The following SVOPL variants were observed in gnomAD, a reference collection of about 807,000 sequenced individuals.
SVOPL encodes SVOP like.
Under a neutral mutation model 61.0 loss-of-function variants are expected in SVOPL, and 60 were observed. The observed-to-expected ratio is 0.98, with a 90% CI of 0.80 to 1.22. The LOEUF (loss-of-function observed/expected upper bound fraction) is 1.22. Among genes scored for constraint, SVOPL ranks in the 50% most tolerant of loss-of-function variants. SVOPL has a pLI of 0.00. For missense variants in SVOPL, 662 were observed against 643.9 expected (o/e 1.03, Z -0.30); for synonymous variants, 279 against 250.0 (o/e 1.12, Z -1.09).
chr7:138,611,778 A>G (rs1799017799), intron 14 of SVOPL, among the ~76,000 whole-genome samples: 1 of 20,970 alleles, frequency 4.8e-5, no homozygotes, highest in Non-Finnish European at 1.3e-4. Flanking sequence ...CCATTATGGT[A>G]TGACAATAGT....
At chr7:138,685,193 A>G (rs1329329813) in intron 1 of SVOPL, among the ~76,000 whole-genome samples, 2 of 152,040 alleles carry the variant, frequency 1.3e-5, no homozygotes, top group Admixed American at 6.6e-5. Context: ...CAGCCTCCCA[A>G]AGTGCTGGGA....
intron 1 of SVOPL, chr7:138,689,399 G>A (rs1802890409): frequency 7.1e-7 from 1 of 1,408,292 alleles, no homozygotes; most frequent in Admixed American, 1.7e-5. Flanking sequence ...ACCCATGCAT[G>A]AGCTCTCCCT....
chr7:138,692,168 C>T (rs1373956072), intron 1 of SVOPL, among the ~76,000 whole-genome samples: 2 of 152,136 alleles, frequency 1.3e-5, no homozygotes, highest in Admixed American at 6.6e-5. Flanking sequence ...AAGAGTGAAA[C>T]TCCATCTCAA....
chr7:138,671,474 A>T (rs973949159), intron 4 of SVOPL, among the ~76,000 whole-genome samples: 15 of 152,058 alleles, frequency 9.9e-5, no homozygotes, highest in African/African-American at 3.6e-4. Flanking sequence ...CAGCCTCCCA[A>T]GTAGCTGGGA....
chr7:138,621,930 G>GTATCTATC (rs1563095741), intron 13 of SVOPL, among the ~76,000 whole-genome samples: 1 of 15,474 alleles, frequency 6.5e-5, no homozygotes, highest in African/African-American at 1.9e-4. Context: ...ATCTATCTAT[G>GTATCTATC]TATCTATCTA....
intron 7 of SVOPL, among the ~76,000 whole-genome samples, chr7:138,654,644 C>T (rs540591487): frequency 2.6e-5 from 4 of 151,634 alleles, no homozygotes; most frequent in South Asian, 2.1e-4. Flanking sequence ...GGACTACAGG[C>T]GGTTTACTAT....
intron 1 of SVOPL, among the ~76,000 whole-genome samples, chr7:138,690,748 T>C (rs777125269): frequency 5.3e-5 from 8 of 151,580 alleles, no homozygotes; most frequent in Non-Finnish European, 1.0e-4. Flanking sequence ...TCAAGATCAC[T>C]GAATTGTACC....
chr7:138,607,524 G>T (rs530217038), intron 14 of SVOPL, among the ~76,000 whole-genome samples: 1 of 152,128 alleles, frequency 6.6e-6, no homozygotes, highest in Non-Finnish European at 1.5e-5. Context: ...AGTCCTTAAC[G>T]CAGGTCAAAG....
intron 1 of SVOPL, chr7:138,689,545 G>T: frequency 6.0e-5 from 27 of 452,520 alleles, no homozygotes; most frequent in East Asian, 8.7e-5. Context: ...TAAAATAAAT[G>T]AAATTAAAAG....
intron 14 of SVOPL, among the ~76,000 whole-genome samples, chr7:138,612,424 T>TAAAAAAAA (rs1281500368): frequency 1.2e-4 from 5 of 41,262 alleles, no homozygotes; most frequent in Non-Finnish European, 2.6e-4. Context: ...AAAAAAAAAA[T>TAAAAAAAA]AAAATAAAAA....
At chr7:138,660,262 C>T in intron 5 of SVOPL, 1 of 1,160,676 alleles carries the variant, frequency 8.6e-7, no homozygotes. Context: ...ACTTGGACAT[C>T]AAAAGGCAAA....
chr7:138,688,620 TA>T (rs998407224), intron 1 of SVOPL, among the ~76,000 whole-genome samples: 2 of 152,120 alleles, frequency 1.3e-5, no homozygotes, highest in Non-Finnish European at 2.9e-5. Context: ...ACTTTATAAT[TA>T]TTTTTTTAAA....
chr7:138,621,794 C>A lies in SVOPL; in HGVS notation c.1264-659G>T, dbSNP rs1024665875. Among the ~76,000 whole-genome samples the A allele has an allele frequency of 8.9e-5, 12 of 135,118 alleles. No homozygotes were observed. In the East Asian group the frequency reaches 2.2e-3, roughly 25 times the overall value. 88.6% of individuals were successfully genotyped at this position (135,118 alleles called of 152,430 possible). On this transcript the variant is annotated intron_variant, in intron 13 of 15. Coordinates refer to ENST00000674285, the MANE Select transcript of SVOPL (RefSeq NM_001139456.2). ...TTAACAGCATATTCTATCTATCTAT[C>A]TATCTATGTATCTATCTATGTATCT...
At chr7:138,598,238 TAG>T (rs918497592) in intron 14 of SVOPL, among the ~76,000 whole-genome samples, 2 of 152,098 alleles carry the variant, frequency 1.3e-5, no homozygotes, top group African/African-American at 2.4e-5. Flanking sequence ...AGACCAGGAA[TAG>T]AGAGACATTA....
chr7:138,649,770 C>T (rs1309438993), intron 7 of SVOPL, among the ~76,000 whole-genome samples: 1 of 152,116 alleles, frequency 6.6e-6, no homozygotes, highest in African/African-American at 2.4e-5. Context: ...AAGGCTACTG[C>T]AGTAGACCAG....
intron 9 of SVOPL, among the ~76,000 whole-genome samples, chr7:138,631,650 C>A (rs985250173): frequency 2.6e-5 from 4 of 152,072 alleles, no homozygotes; most frequent in African/African-American, 9.7e-5. Flanking sequence ...CTCACTGCAA[C>A]CCCTGCCTCC....
chr7:138,680,358 AG>A (rs1353712632), intron 1 of SVOPL, among the ~76,000 whole-genome samples: 1 of 152,146 alleles, frequency 6.6e-6, no homozygotes. Context: ...CATGTTGGCC[AG>A]GCAGGTCCCA....
rs71179720 is a variant in SVOPL, at chr7:138,672,904, C to CAA, written c.175-789_175-788dup. On this transcript the variant is annotated intron_variant, in intron 3 of 15. Coordinates refer to ENST00000674285, the MANE Select transcript of SVOPL (RefSeq NM_001139456.2). ...CCGTTATAGGGATAAGTTTGTCTCT[C>CAA]AAAAAAAAAAAAAAAAAAAGAAGGA... Among the ~76,000 whole-genome samples, 816 of 103,630 alleles carry CAA rather than the reference C, an allele frequency of 7.9e-3. 7 individuals are homozygous for CAA. Among genetic ancestry groups the CAA allele is most frequent in the African/African-American group, 0.025 (748 of 30,480 alleles). The allele number at this position is 103,630 out of a possible 152,430, so 68.0% of individuals were successfully genotyped here.
At chr7:138,620,100 T>C (rs535031869) in intron 14 of SVOPL, among the ~76,000 whole-genome samples, 27 of 149,342 alleles carry the variant, frequency 1.8e-4, no homozygotes, top group Admixed American at 1.2e-3. Flanking sequence ...GTTTTTTTTT[T>C]CTTTTTTGTT....
Sources: gnomAD v4.1 joint callset for allele counts (sites outside exome capture counted in the v4.1 genomes callset) on GRCh38, gnomAD v4.1.1 for gene constraint, MANE v1.5 for transcripts, NCBI Gene and HGNC (gene_info 2026-07-23, HGNC 2026-07-21) for gene names.